The following CSMD1 variants were observed in gnomAD, a reference collection of about 807,000 sequenced individuals.
The protein encoded by CSMD1 is CUB and sushi domain-containing protein 1.
In CSMD1, 213 loss-of-function variants were observed where a neutral mutation model predicts 417.5. The ratio of observed to expected loss-of-function variants is 0.51; its 90% CI spans 0.46 to 0.57. The LOEUF is 0.57. Among genes scored for constraint, CSMD1 ranks in the 20% least tolerant of loss-of-function variants. The probability of loss-of-function intolerance (pLI) is 0.00; values close to 1 mark genes in which losing one functional copy is unlikely to be tolerated. For missense variants in CSMD1, 6,923 were observed against 4,529.7 expected (o/e 1.53, Z -15.17); for synonymous variants, 2,862 against 1,736.8 (o/e 1.65, Z -16.11).
chr8:4,380,505 T>A (rs940158629), intron 3 of CSMD1, among the ~76,000 whole-genome samples: 1 of 152,092 alleles, frequency 6.6e-6, no homozygotes, highest in Non-Finnish European at 1.5e-5. Flanking sequence ...TGAGAAACCG[T>A]CACAGCCAAG....
rs570146682 is a variant in CSMD1 at position 4,791,787 on chromosome 8, G to A, written c.86-154229C>T. On this transcript the variant is annotated intron_variant, in intron 1 of 69. Transcript: ENST00000635120. ...TCGTGTGCTAAACATTTCACTTTGA[G>A]ATTCCTCCAGTTTGGGTGGCATTCT... Among the ~76,000 whole-genome samples, 111 of 152,236 alleles carry A rather than the reference G, an allele frequency of 7.3e-4. 1 individual carries two copies. Among genetic ancestry groups the A allele is most frequent in the African/African-American group, 2.6e-3 (107 of 41,522 alleles).
At chr8:4,051,098 A>G (rs1169906824) in intron 3 of CSMD1, among the ~76,000 whole-genome samples, 1 of 152,012 alleles carries the variant, frequency 6.6e-6, no homozygotes, top group African/African-American at 2.4e-5. Flanking sequence ...CAGCATCTTT[A>G]TTGAAAGGGA....
chr8:3,500,941 A>G (rs1393201759), intron 10 of CSMD1, among the ~76,000 whole-genome samples: 1 of 152,236 alleles, frequency 6.6e-6, no homozygotes, highest in Non-Finnish European at 1.5e-5. Flanking sequence ...GAATATTGCA[A>G]GAGAATAAGA....
At chr8:4,377,338 G>C (rs962434670) in intron 3 of CSMD1, among the ~76,000 whole-genome samples, 2 of 152,190 alleles carry the variant, frequency 1.3e-5, no homozygotes, top group Non-Finnish European at 2.9e-5. Context: ...GGGAGGCTTA[G>C]AGCTTACTAA....
chr8:4,661,433 G>C (rs1033918586), intron 1 of CSMD1, among the ~76,000 whole-genome samples: 1 of 152,122 alleles, frequency 6.6e-6, no homozygotes, highest in African/African-American at 2.4e-5. Context: ...CATTTTTGAA[G>C]TGACAAAAAT....
chr8:3,714,335 C>G (rs900730157), intron 6 of CSMD1, among the ~76,000 whole-genome samples: 1 of 150,752 alleles, frequency 6.6e-6, no homozygotes, highest in African/African-American at 2.4e-5. Flanking sequence ...AGCTACTAAT[C>G]TTTTATATTT....
chr8:3,240,307 G>T (rs1156352807), intron 26 of CSMD1, among the ~76,000 whole-genome samples: 2 of 152,142 alleles, frequency 1.3e-5, no homozygotes, highest in Admixed American at 6.5e-5. Context: ...AGTGGGGAAA[G>T]GACTTAGGAT....
intron 26 of CSMD1, among the ~76,000 whole-genome samples, chr8:3,244,640 G>T (rs1799762020): frequency 6.6e-6 from 1 of 152,174 alleles, no homozygotes. Flanking sequence ...AAACATTTTG[G>T]GGGCAGCTTT....
chr8:3,816,637 A>G (rs941556260), intron 5 of CSMD1, among the ~76,000 whole-genome samples: 4 of 152,190 alleles, frequency 2.6e-5, no homozygotes, highest in Non-Finnish European at 5.9e-5. Flanking sequence ...AATAATTTGG[A>G]TGTTTCTAAC....
intron 49 of CSMD1, among the ~76,000 whole-genome samples, chr8:3,076,154 A>T (rs1208077492): frequency 6.6e-6 from 1 of 152,226 alleles, no homozygotes; most frequent in Admixed American, 6.5e-5. Context: ...ACAGAACAAC[A>T]GAAATGGATT....
chr8:4,716,924 A>G (rs537463883), intron 1 of CSMD1, among the ~76,000 whole-genome samples: 36 of 152,280 alleles, frequency 2.4e-4, no homozygotes, highest in Non-Finnish European at 3.7e-4. Context: ...GACTTTAACA[A>G]TGAGATCCAA....
intron 3 of CSMD1, among the ~76,000 whole-genome samples, chr8:4,138,402 C>T (rs964346006): frequency 6.6e-6 from 1 of 152,006 alleles, no homozygotes; most frequent in African/African-American, 2.4e-5. Flanking sequence ...CTCCTTACGT[C>T]CAGTTCTGAG....
chr8:3,669,976 T>G (rs982956118), intron 7 of CSMD1, among the ~76,000 whole-genome samples: 4 of 152,202 alleles, frequency 2.6e-5, no homozygotes, highest in Admixed American at 6.5e-5. Context: ...CTTATTATTT[T>G]AAGCTATCAG....
intron 26 of CSMD1, among the ~76,000 whole-genome samples, chr8:3,256,588 C>A (rs762106666): frequency 6.6e-6 from 1 of 152,170 alleles, no homozygotes; most frequent in South Asian, 2.1e-4. Context: ...GACAAATGAA[C>A]CAACAACACT....
At chr8:3,055,254 T>C (rs188336384) in intron 49 of CSMD1, among the ~76,000 whole-genome samples, 2 of 152,328 alleles carry the variant, frequency 1.3e-5, no homozygotes, top group East Asian at 3.9e-4. Flanking sequence ...TGGATGCTTA[T>C]TTGAGAAGTG....
chr8:3,956,073 G>C (rs1203445083), intron 5 of CSMD1, among the ~76,000 whole-genome samples: 1 of 152,160 alleles, frequency 6.6e-6, no homozygotes, highest in Non-Finnish European at 1.5e-5. Flanking sequence ...GAGATTATTT[G>C]GCATTAGCCA....
chr8:4,713,748 C>T (rs1045101821), intron 1 of CSMD1, among the ~76,000 whole-genome samples: 1 of 152,152 alleles, frequency 6.6e-6, no homozygotes, highest in Non-Finnish European at 1.5e-5. Context: ...TGAGGCAACT[C>T]CACGGACAGG....
intron 7 of CSMD1, among the ~76,000 whole-genome samples, chr8:3,692,138 T>G (rs1800282269): frequency 1.3e-5 from 2 of 152,192 alleles, no homozygotes; most frequent in African/African-American, 4.8e-5. Context: ...CCGGGTCTCC[T>G]ATCCCAGCCG....
chr8:4,697,565 T>C (rs1028529276), intron 1 of CSMD1, among the ~76,000 whole-genome samples: 3 of 152,042 alleles, frequency 2.0e-5, no homozygotes, highest in South Asian at 2.1e-4. Flanking sequence ...AGCAAAACAA[T>C]TGTAGTATTC....
Sources: allele counts gnomAD v4.1 joint callset (sites outside exome capture counted in the v4.1 genomes callset), GRCh38; gene constraint gnomAD v4.1.1; transcripts MANE v1.5; gene names NCBI Gene and HGNC (gene_info 2026-07-23, HGNC 2026-07-21).